Variants in TMEM217 observed in about 807,000 individuals in gnomAD.
TMEM217 encodes the protein transmembrane protein 217.
For missense variants in TMEM217, 204 were observed against 248.8 expected, an observed-to-expected ratio of 0.82 and a Z score of 1.21; for synonymous variants, 76 against 88.3, an observed-to-expected ratio of 0.86 and a Z score of 0.78.
exon 4 of TMEM217, chr6:37,212,480 A>G (rs1301340921): frequency 2.2e-6 from 1 of 455,242 alleles, no homozygotes; most frequent in Non-Finnish European, 4.4e-6. Flanking sequence ...GCAATGGTGG[A>G]GCAGAGCCTG....
At chr6:37,215,166 C>T (rs369357258), downstream of TMEM217, 786 of 1,608,316 alleles carry the variant, frequency 4.9e-4, 14 homozygotes, top group South Asian at 7.8e-3. Flanking sequence ...TAGCCAAGGT[C>T]CTCTGGTACA....
chr6:37,248,437 T>C (rs1368976000), intron 1 of TMEM217, among the ~76,000 whole-genome samples: 1 of 152,208 alleles, frequency 6.6e-6, no homozygotes, highest in South Asian at 2.1e-4. Context: ...CTCACCTTCA[T>C]GGCATTCCCC....
intron 1 of TMEM217, among the ~76,000 whole-genome samples, chr6:37,240,291 T>C (rs1764701147): frequency 6.6e-6 from 1 of 152,230 alleles, no homozygotes; most frequent in Non-Finnish European, 1.5e-5. Context: ...GTCAAGCTGT[T>C]GGCCTGGGCT....
At chr6:37,255,244 A>C (rs1217260774) in intron 1 of TMEM217, among the ~76,000 whole-genome samples, 1 of 152,226 alleles carries the variant, frequency 6.6e-6, no homozygotes, top group Admixed American at 6.5e-5. Context: ...AGCAAGAAAG[A>C]AAGCATAATG....
At chr6:37,245,690 A>C (rs1286077129) in intron 1 of TMEM217, among the ~76,000 whole-genome samples, 1 of 152,186 alleles carries the variant, frequency 6.6e-6, no homozygotes, top group Non-Finnish European at 1.5e-5. Flanking sequence ...AAGGAAGAGG[A>C]GGAGCAGGAG....
intron 1 of TMEM217, among the ~76,000 whole-genome samples, chr6:37,232,390 G>C (rs754193514): frequency 9.9e-5 from 15 of 152,068 alleles, no homozygotes; most frequent in South Asian, 4.2e-4. Context: ...GTTTTGTTTT[G>C]TTTTCTTTTT....
chr6:37,232,433 T>C (rs529742659), intron 1 of TMEM217, among the ~76,000 whole-genome samples: 16 of 152,358 alleles, frequency 1.1e-4, no homozygotes, highest in African/African-American at 3.1e-4. Flanking sequence ...TCGCCCAGGC[T>C]GGAGTGCAGT....
chr6:37,216,359 G>T (rs376340178), downstream of TMEM217, among the ~76,000 whole-genome samples: 2 of 152,126 alleles, frequency 1.3e-5, no homozygotes, highest in Non-Finnish European at 2.9e-5. Context: ...GATTACAGAC[G>T]TGAGCCCCTG....
At chr6:37,248,236 T>C (rs907617143) in intron 1 of TMEM217, among the ~76,000 whole-genome samples, 1 of 152,190 alleles carries the variant, frequency 6.6e-6, no homozygotes, top group Non-Finnish European at 1.5e-5. Context: ...TACTAGATTA[T>C]ACACTTGTTG....
chr6:37,255,577 A>T (rs968720227), intron 1 of TMEM217, among the ~76,000 whole-genome samples: 4 of 151,890 alleles, frequency 2.6e-5, no homozygotes, highest in African/African-American at 9.7e-5. Flanking sequence ...CCAGCTACTC[A>T]GGAGGCTGAT....
chr6:37,216,661 G>A (rs1202883865), downstream of TMEM217, among the ~76,000 whole-genome samples: 1 of 152,170 alleles, frequency 6.6e-6, no homozygotes, highest in Non-Finnish European at 1.5e-5. Context: ...AGGACAGCTT[G>A]CCAAATGGTG....
At chr6:37,241,604 T>C (rs548532552) in intron 1 of TMEM217, among the ~76,000 whole-genome samples, 78 of 152,272 alleles carry the variant, frequency 5.1e-4, no homozygotes, top group Middle Eastern at 3.4e-3. Flanking sequence ...GGTTTTCTGT[T>C]CCAGGTTCTA....
intron 1 of TMEM217, among the ~76,000 whole-genome samples, chr6:37,251,211 C>G (rs954654065): frequency 1.3e-5 from 2 of 152,166 alleles, no homozygotes; most frequent in African/African-American, 2.4e-5. Flanking sequence ...TCATGTCAGA[C>G]AGGTAATGTG....
At chr6:37,252,637 A>ATTTTTTTT (rs374265453) in intron 1 of TMEM217, among the ~76,000 whole-genome samples, 3 of 71,358 alleles carry the variant, frequency 4.2e-5, no homozygotes, top group African/African-American at 1.0e-4. Context: ...ATATATATAT[A>ATTTTTTTT]TTTTTTTTTT....
chr6:37,256,766 C>A (rs1350294886), intron 1 of TMEM217, among the ~76,000 whole-genome samples: 1 of 151,858 alleles, frequency 6.6e-6, no homozygotes, highest in Non-Finnish European at 1.5e-5. Context: ...GTGGGGGACA[C>A]GCAGCCCACC....
At chr6:37,243,634 T>C (rs777162835) in intron 1 of TMEM217, among the ~76,000 whole-genome samples, 6 of 152,154 alleles carry the variant, frequency 3.9e-5, no homozygotes, top group Admixed American at 2.0e-4. Context: ...GTTTCTCTCT[T>C]GTTGCCCAGG....
downstream of TMEM217, among the ~76,000 whole-genome samples, chr6:37,214,566 T>C (rs1020303301): frequency 1.3e-5 from 2 of 152,080 alleles, no homozygotes; most frequent in Non-Finnish European, 2.9e-5. Flanking sequence ...AAAATCTCTG[T>C]ACCCATTATA....
intron 1 of TMEM217, among the ~76,000 whole-genome samples, chr6:37,223,130 AG>A (rs1231185942): frequency 6.6e-6 from 1 of 152,298 alleles, no homozygotes; most frequent in African/African-American, 2.4e-5. Context: ...AGAAGTTAAG[AG>A]ACATGAAAGA....
intron 1 of TMEM217, among the ~76,000 whole-genome samples, chr6:37,225,956 C>T (rs867260361): frequency 3.9e-5 from 6 of 152,166 alleles, no homozygotes; most frequent in Non-Finnish European, 1.5e-5. Flanking sequence ...GTCATTGCTA[C>T]TTGAGAGAGA....
Sources: allele counts gnomAD v4.1 joint callset (sites outside exome capture counted in the v4.1 genomes callset), GRCh38; gene constraint gnomAD v4.1.1; transcripts MANE v1.5; gene names NCBI Gene and HGNC (gene_info 2026-07-23, HGNC 2026-07-21).